The following PIGK variants were observed in gnomAD, a reference collection of about 807,000 sequenced individuals.
The protein encoded by PIGK is GPI-anchor transamidase.
PIGK carries 42 observed loss-of-function variants against 50.6 expected under a neutral mutation model. The observed-to-expected ratio is 0.83, with a 90% CI of 0.65 to 1.07. The LOEUF is 1.07. PIGK is among the 50% of genes least tolerant of loss of function. The pLI, the probability that PIGK is intolerant of heterozygous loss-of-function variation, is 0.00. For missense variants in PIGK, 448 were observed against 488.7 expected (o/e 0.92, Z 0.78); for synonymous variants, 151 against 156.0 (o/e 0.97, Z 0.24).
At chr1:77,099,940 T>G (rs1199653611) in intron 10 of PIGK, among the ~76,000 whole-genome samples, 4 of 151,526 alleles carry the variant, frequency 2.6e-5, no homozygotes, top group Non-Finnish European at 5.9e-5. Flanking sequence ...AAGCAAACAC[T>G]TAAAAGCTTA....
At chr1:77,211,776 C>T (rs1196493854) in intron 1 of PIGK, among the ~76,000 whole-genome samples, 1 of 150,742 alleles carries the variant, frequency 6.6e-6, no homozygotes, top group African/African-American at 2.4e-5. Context: ...GCTACAACAC[C>T]CATAAAGATT....
chr1:77,207,421 G>T (rs1018206622), intron 2 of PIGK, among the ~76,000 whole-genome samples: 2 of 152,078 alleles, frequency 1.3e-5, no homozygotes, highest in African/African-American at 2.4e-5. Context: ...GCTACATAGG[G>T]TTATACAATA....
chr1:77,124,295 T>C (rs1482490984), intron 9 of PIGK, among the ~76,000 whole-genome samples: 1 of 151,932 alleles, frequency 6.6e-6, no homozygotes, highest in African/African-American at 2.4e-5. Flanking sequence ...CTTTTAAAAG[T>C]TTATTTACAT....
chr1:77,200,489 T>C (rs1025051542), intron 3 of PIGK, among the ~76,000 whole-genome samples: 7 of 152,124 alleles, frequency 4.6e-5, no homozygotes, highest in African/African-American at 1.4e-4. Context: ...TGAGTATGCA[T>C]AATTATACTA....
chr1:77,112,149 A>G (rs546457314), intron 10 of PIGK, among the ~76,000 whole-genome samples: 2 of 152,128 alleles, frequency 1.3e-5, no homozygotes, highest in South Asian at 4.2e-4. Context: ...GAATGTTAAA[A>G]ATCTGTAACT....
intron 3 of PIGK, among the ~76,000 whole-genome samples, chr1:77,184,798 C>G (rs78640576): frequency 6.6e-6 from 1 of 152,068 alleles, no homozygotes; most frequent in East Asian, 1.9e-4. Context: ...AGGGTGAGCA[C>G]TATTACAGTG....
In PIGK at chr1:77,092,466, G is replaced by T; in HGVS notation, c.1096C>A (p.Pro366Thr). ...AATCCCAGAATAAAGCCCCCAGGAGGATGCCAGTCTTTCAGCTTCGGTTTC... is the reference window on the plus strand; with the variant it reads ...AATCCCAGAATAAAGCCCCCAGGAGTATGCCAGTCTTTCAGCTTCGGTTTC... ...HQKPKLKDWH[P>T]PGGFILGLWA... Residue 366 changes from proline (P) to threonine (T), a missense_variant, in exon 11 of 11, where the codon CCT becomes ACT. By Grantham distance (38) the Pro-to-Thr change is conservative. Coordinates refer to ENST00000370812, the MANE Select transcript of PIGK (RefSeq NM_005482.3). 2 of 1,595,148 alleles carry T rather than the reference G, an allele frequency of 1.3e-6. No homozygotes were observed. The highest frequency in any genetic ancestry group is 2.3e-5 in the South Asian group (2 of 87,800).
At chr1:77,192,427 T>C (rs1655929598) in intron 3 of PIGK, among the ~76,000 whole-genome samples, 1 of 152,218 alleles carries the variant, frequency 6.6e-6, no homozygotes, top group Admixed American at 6.5e-5. Context: ...TTCAGGCACT[T>C]ACTTTATCAA....
At chr1:77,095,181 G>A (rs914497281) in intron 10 of PIGK, among the ~76,000 whole-genome samples, 3 of 152,040 alleles carry the variant, frequency 2.0e-5, no homozygotes, top group Admixed American at 1.3e-4. Flanking sequence ...GAATCCCCTA[G>A]TGCAGTCTCT....
intron 3 of PIGK, among the ~76,000 whole-genome samples, chr1:77,181,502 T>G (rs926863473): frequency 1.3e-5 from 2 of 152,168 alleles, no homozygotes; most frequent in Non-Finnish European, 2.9e-5. Flanking sequence ...ATGTTATATA[T>G]AATAATATAT....
At chr1:77,127,263 C>T (rs1175170544) in intron 9 of PIGK, among the ~76,000 whole-genome samples, 1 of 152,170 alleles carries the variant, frequency 6.6e-6, no homozygotes, top group Non-Finnish European at 1.5e-5. Flanking sequence ...CCTGAAAAAT[C>T]TTTCTCTTCT....
At chr1:77,148,865 C>A (rs1193235322) in intron 9 of PIGK, among the ~76,000 whole-genome samples, 1 of 152,060 alleles carries the variant, frequency 6.6e-6, no homozygotes, top group African/African-American at 2.4e-5. Flanking sequence ...CAGGTGCGCA[C>A]TGCCACGCTC....
Position 77,090,368 on chromosome 1 carries a change from T to G in PIGK, c.*2006A>C, listed in dbSNP as rs890274248. 6.6e-6 allele frequency: 1 copy of G among 152,238 alleles called. No individual in the cohort carries two copies. The highest frequency in any genetic ancestry group is 2.4e-5 in the African/African-American group (1 of 41,466). 9.4% of individuals were successfully genotyped at this position (152,238 alleles called of 1,614,324 possible). On this transcript the variant is annotated 3_prime_UTR_variant, in exon 11 of 11. Coordinates refer to ENST00000370812, the MANE Select transcript of PIGK (RefSeq NM_005482.3). ...AAGATTATGGTTATAAGTGAAACAT[T>G]TAACATATTTTAAGCTTTTGGCTTT...
intron 10 of PIGK, among the ~76,000 whole-genome samples, chr1:77,116,600 G>GCA (rs1653979066): frequency 8.8e-6 from 1 of 114,016 alleles, no homozygotes; most frequent in Non-Finnish European, 1.8e-5. Flanking sequence ...GTGTGTGCGC[G>GCA]TGTGTGTGTG....
In PIGK at chr1:77,206,737, G is replaced by T. The variant is rs1422455949; in HGVS notation, c.148-6C>A. On this transcript the variant is annotated splice_polypyrimidine_tract_variant and splice_region_variant and intron_variant, in intron 2 of 10. Coordinates refer to ENST00000370812, the MANE Select transcript of PIGK (RefSeq NM_005482.3). The stretch of plus-strand genomic sequence containing the variant: ...CAGAATCGGGATGTACACACCTGAA[G>T]TATTAAAACAAAAACAGAATTTTTA... 6.3e-7 allele frequency: 1 copy of T among 1,577,312 alleles called. No individual in the cohort carries two copies. Among genetic ancestry groups the T allele is most frequent in the Non-Finnish European group, 8.7e-7 (1 of 1,148,096 alleles).
intron 8 of PIGK, among the ~76,000 whole-genome samples, chr1:77,158,107 C>A (rs796356593): frequency 6.6e-6 from 1 of 152,222 alleles, no homozygotes; most frequent in Admixed American, 6.5e-5. Flanking sequence ...ACCTCTGCCT[C>A]CCAGGTTCAA....
At chr1:77,161,509 G>C in intron 7 of PIGK, 85 bp downstream of exon 7, 1 of 942,626 alleles carries the variant, frequency 1.1e-6, no homozygotes, top group East Asian at 2.4e-5. Context: ...AGAAAGAACA[G>C]ATACATTCAT....
chr1:77,124,623 A>G (rs910806799), intron 9 of PIGK, among the ~76,000 whole-genome samples: 1 of 151,054 alleles, frequency 6.6e-6, no homozygotes, highest in African/African-American at 2.4e-5. Context: ...CAAACAACAA[A>G]AAAAAAAACA....
chr1:77,105,699 C>A (rs746460781), intron 10 of PIGK, among the ~76,000 whole-genome samples: 3 of 152,166 alleles, frequency 2.0e-5, no homozygotes, highest in Non-Finnish European at 4.4e-5. Context: ...TGATGGACAT[C>A]TGTTTTTATA....
Sources: gnomAD v4.1 joint callset for allele counts (sites outside exome capture counted in the v4.1 genomes callset) on GRCh38, gnomAD v4.1.1 for gene constraint, MANE v1.5 for transcripts, NCBI Gene and HGNC (gene_info 2026-07-23, HGNC 2026-07-21) for gene names.